FSD2: variants seen among roughly 807,000 people sequenced by gnomAD.
FSD2 encodes fibronectin type III and SPRY domain containing 2.
Under a neutral mutation model 80.4 loss-of-function variants are expected in FSD2, and 71 were observed. The ratio of observed to expected loss-of-function variants is 0.88; its 90% confidence interval spans 0.73 to 1.08. The LOEUF is 1.08. Among genes scored for constraint, FSD2 ranks in the 50% least tolerant of loss-of-function variants. The probability of loss-of-function intolerance (pLI) is 0.00; values close to 1 mark genes in which losing one functional copy is unlikely to be tolerated. For missense variants in FSD2, 923 were observed against 913.8 expected (o/e 1.01, Z -0.13); for synonymous variants, 361 against 329.5 (o/e 1.10, Z -1.03).
intron 10 of FSD2, 96 bp from the exon 11 acceptor site, chr15:82,765,394 T>C (rs2049392250): frequency 6.6e-7 from 1 of 1,518,170 alleles, no homozygotes. Context: ...GGGATACACC[T>C]AAGCCTGGAC....
chr15:82,783,114 T>C (rs1448964491), intron 3 of FSD2, 89 bp from the exon 4 acceptor site: 6 of 972,826 alleles, frequency 6.2e-6, no homozygotes, highest in Non-Finnish European at 9.4e-6. Context: ...TTTGTTTGTT[T>C]TTGAGACACA....
Position 82,787,132 on chromosome 15 carries a change from C to G in FSD2, c.259G>C (p.Gly87Arg), listed in dbSNP as rs1434561522. Reference sequence around the variant, plus strand: ...ATGTTTTCATCAACAAACTCATCCCCTAATTCATGATCATCTTCAAGTCCA... The same window carrying G: ...ATGTTTTCATCAACAAACTCATCCCGTAATTCATGATCATCTTCAAGTCCA... ...LYGLEDDHEL[G>R]DEFVDENIPR... Residue 87 changes from glycine (G) to arginine (R), a missense_variant, in exon 2 of 13, where the codon GGG becomes CGG. Gly to Arg is a moderately radical substitution (Grantham distance 125). Coordinates refer to ENST00000334574, the MANE Select transcript of FSD2 (RefSeq NM_001007122.4). 6.2e-7 allele frequency: 1 copy of G among 1,614,032 alleles called. No homozygotes were observed. The highest frequency in any genetic ancestry group is 1.3e-5 in the African/African-American group (1 of 75,056).
chr15:82,789,605 T>A lies in FSD2; in HGVS notation c.-78-2137A>T, dbSNP rs201961134. On this transcript the variant is annotated intron_variant, in intron 1 of 12. Transcript: ENST00000334574. ...ACTGGGATTTGAGCCTTAATCGGTG[T>A]GGCAGCTATAAGACTGTGCTTCACA... Among the ~76,000 whole-genome samples, 27 of 152,288 alleles carry A rather than the reference T, an allele frequency of 1.8e-4. No individual in the cohort carries two copies. The East Asian group carries it at 3.3e-3, about 19-fold the overall frequency.
chr15:82,760,973 AGTCT>A (rs1053742558), intron 12 of FSD2, among the ~76,000 whole-genome samples: 117 of 152,282 alleles, frequency 7.7e-4, no homozygotes, highest in African/African-American at 2.7e-3. Flanking sequence ...TTTGCTCTTT[AGTCT>A]TACTTCAGGC....
At chr15:82,768,816 C>T (rs1189435622) in intron 9 of FSD2, 64 bp downstream of exon 9, 2 of 1,330,380 alleles carry the variant, frequency 1.5e-6, no homozygotes, top group East Asian at 2.8e-5. Flanking sequence ...CGTATACTTC[C>T]TAAGCCATGT....
At chr15:82,781,630 T>G (rs1567310121) in intron 4 of FSD2, among the ~76,000 whole-genome samples, 1 of 152,204 alleles carries the variant, frequency 6.6e-6, no homozygotes, top group Non-Finnish European at 1.5e-5. Flanking sequence ...AAATGGATTT[T>G]TTTTGCATGT....
rs1422801065 is a variant in FSD2 at position 82,765,982 on chromosome 15, C to T, written c.1603G>A (p.Gly535Arg). 8 of 1,599,374 alleles carry T rather than the reference C, an allele frequency of 5.0e-6. No homozygotes were observed. The East Asian group carries it at 1.4e-4, about 27-fold the overall frequency. The change falls in exon 10 of 13, where the codon GGG becomes AGG. Residue 535 changes from glycine to arginine, a missense_variant. Coordinates refer to ENST00000334574, the MANE Select transcript of FSD2 (RefSeq NM_001007122.4). ...CGCACATAGATAATGTAGCTCCGCC[C>T]CGGCTGCAGCTGCACCACGGACTCG... ...TCESVVQLQP[G>R]RSYIIYVRAL...
chr15:82,790,700 C>T (rs1335946371), intron 1 of FSD2, among the ~76,000 whole-genome samples: 1 of 151,260 alleles, frequency 6.6e-6, no homozygotes, highest in Non-Finnish European at 1.5e-5. Flanking sequence ...TTCAGCCTCC[C>T]TAGTAGCTGG....
chr15:82,762,832 T>A (rs2049322670), intron 11 of FSD2, among the ~76,000 whole-genome samples: 1 of 152,162 alleles, frequency 6.6e-6, no homozygotes, highest in African/African-American at 2.4e-5. Context: ...AAGATTAGAG[T>A]TATGTTTTGT....
At chr15:82,766,570 C>T (rs1172400515) in intron 9 of FSD2, among the ~76,000 whole-genome samples, 2 of 151,892 alleles carry the variant, frequency 1.3e-5, no homozygotes, top group South Asian at 2.1e-4. Flanking sequence ...GGTGAAACCC[C>T]GTCTCTACTA....
chr15:82,771,426 C>T (rs564891650), intron 7 of FSD2, among the ~76,000 whole-genome samples: 1 of 152,354 alleles, frequency 6.6e-6, no homozygotes, highest in East Asian at 1.9e-4. Flanking sequence ...TTGTCTGACC[C>T]TCCCTCCTTA....
chr15:82,801,883 C>T (rs2050421930), intron 1 of FSD2, among the ~76,000 whole-genome samples: 1 of 152,164 alleles, frequency 6.6e-6, no homozygotes, highest in Non-Finnish European at 1.5e-5. Flanking sequence ...CACCTGGGAC[C>T]ACAAACAGGA....
At chr15:82,760,526 G>T (rs2049268322) in intron 12 of FSD2, among the ~76,000 whole-genome samples, 1 of 152,132 alleles carries the variant, frequency 6.6e-6, no homozygotes, top group Admixed American at 6.5e-5. Context: ...TGATCTAAAC[G>T]TGTCAGAGGA....
In FSD2 at chr15:82,756,985, G is replaced by C. The variant is rs1202572585; in HGVS notation, c.*2363C>G. The C allele has an allele frequency of 6.6e-6, 1 of 152,176 alleles. No homozygotes were observed. Among genetic ancestry groups the C allele is most frequent in the African/African-American group, 2.4e-5 (1 of 41,440 alleles). The allele number at this position is 152,176 out of a possible 1,614,324, so 9.4% of individuals were successfully genotyped here. A position where few individuals can be genotyped will look rare whatever the true frequency, so the allele number is the denominator to read the frequency against. Reference sequence around the variant, plus strand: ...ATACAGTTTCAGTAGATTGTTTATAGTAGTTTCAGGAATTGAGATTTTTTA... The same window carrying C: ...ATACAGTTTCAGTAGATTGTTTATACTAGTTTCAGGAATTGAGATTTTTTA... On this transcript the variant is annotated 3_prime_UTR_variant, in exon 13 of 13. Coordinates refer to ENST00000334574, the MANE Select transcript of FSD2 (RefSeq NM_001007122.4).
chr15:82,759,660 A>T, intron 12 of FSD2, 60 bp from the exon 13 acceptor site: 1 of 1,338,284 alleles, frequency 7.5e-7, no homozygotes, highest in South Asian at 1.5e-5. Flanking sequence ...CTATTTATAG[A>T]ACATTTCATA....
intron 1 of FSD2, among the ~76,000 whole-genome samples, chr15:82,791,633 A>G (rs2050154611): frequency 6.6e-6 from 1 of 152,058 alleles, no homozygotes; most frequent in Admixed American, 6.5e-5. Context: ...CAGCCTCCCA[A>G]AGTGCTGAGA....
At chr15:82,787,581 A>T in intron 1 of FSD2, 113 bp from the exon 2 acceptor site, 2 of 485,484 alleles carry the variant, frequency 4.1e-6, no homozygotes, top group Non-Finnish European at 3.5e-6. Flanking sequence ...TGTGTAGTTC[A>T]GTCGTGGTTT....
chr15:82,799,089 G>A (rs947677246), intron 1 of FSD2, among the ~76,000 whole-genome samples: 4 of 152,008 alleles, frequency 2.6e-5, no homozygotes, highest in Non-Finnish European at 5.9e-5. Flanking sequence ...TGTTGCCCAG[G>A]CTGGTCTCAA....
intron 3 of FSD2, among the ~76,000 whole-genome samples, chr15:82,784,656 G>C (rs907577869): frequency 6.6e-6 from 1 of 152,206 alleles, no homozygotes; most frequent in African/African-American, 2.4e-5. Context: ...TGGGGGATTA[G>C]TGCAATAGCT....
Sources: allele counts gnomAD v4.1 joint callset (sites outside exome capture counted in the v4.1 genomes callset), GRCh38; gene constraint gnomAD v4.1.1; transcripts MANE v1.5; gene names NCBI Gene and HGNC (gene_info 2026-07-23, HGNC 2026-07-21).